Variants in FAAP20 observed in about 807,000 individuals in gnomAD.
FAAP20 encodes FA core complex associated protein 20.
In FAAP20, 12 loss-of-function variants were observed where a neutral mutation model predicts 16.2. The observed-to-expected ratio is 0.74, with a 90% CI of 0.48 to 1.20. FAAP20 has a LOEUF of 1.20. Among genes scored for constraint, FAAP20 ranks in the 50% most tolerant of loss-of-function variants. The probability of loss-of-function intolerance (pLI) is 0.00; values close to 1 mark genes in which losing one functional copy is unlikely to be tolerated. For synonymous variants in FAAP20, 141 were observed against 110.7 expected (o/e 1.27, Z -1.72); for missense variants, 288 against 245.8 (o/e 1.17, Z -1.15).
chr1:2,211,983 A>C (rs1362326590), downstream of FAAP20, among the ~76,000 whole-genome samples: 3 of 143,292 alleles, frequency 2.1e-5, no homozygotes, highest in Non-Finnish European at 4.5e-5. Context: ...GCTCACTGCA[A>C]GCTCCACCTC....
upstream of FAAP20, among the ~76,000 whole-genome samples, chr1:2,204,294 G>A (rs1402776567): frequency 6.6e-6 from 1 of 152,232 alleles, no homozygotes; most frequent in South Asian, 2.1e-4. Context: ...GTGGTCTGCC[G>A]TCCTGGCACA....
downstream of FAAP20, chr1:2,185,499 C>T (rs781257642): frequency 2.0e-5 from 14 of 717,616 alleles, no homozygotes; most frequent in African/African-American, 7.0e-5. Context: ...CAGGTGGGGG[C>T]GGGAGTTGAA....
upstream of FAAP20, chr1:2,194,792 G>T (rs1007193333): frequency 7.3e-5 from 41 of 560,912 alleles, no homozygotes; most frequent in Non-Finnish European, 9.1e-5. Flanking sequence ...CCCCGCCCCC[G>T]CCCCTCCAGG....
At chr1:2,192,271 G>A (rs1048291584) in intron 3 of FAAP20, 25 of 986,068 alleles carry the variant, frequency 2.5e-5, no homozygotes, top group South Asian at 9.4e-5. Flanking sequence ...CCACAGCCTC[G>A]GGTGAGTTCC....
chr1:2,212,118 A>G (rs1689469075), downstream of FAAP20: 1 of 151,396 alleles, frequency 6.6e-6, no homozygotes, highest in Non-Finnish European at 1.5e-5. Flanking sequence ...CGTGTTAGCC[A>G]GGTTGGTCTC....
intron 3 of FAAP20, chr1:2,191,862 G>A (rs1266887192): frequency 4.1e-6 from 4 of 985,328 alleles, no homozygotes; most frequent in South Asian, 4.7e-5. Context: ...ATCCACCCAC[G>A]TGACCCGCAG....
chr1:2,211,417 ATATATATATATATATATATTTTTT>A (rs1189710176), downstream of FAAP20, among the ~76,000 whole-genome samples: 1 of 15,742 alleles, frequency 6.4e-5, no homozygotes, highest in African/African-American at 4.9e-4. Flanking sequence ...ATATATATAT[ATATATATATATATATATATTTTTT>A]TTTTTTTTTT....
intron 3 of FAAP20, chr1:2,191,873 G>C: frequency 2.0e-6 from 2 of 985,470 alleles, no homozygotes; most frequent in Non-Finnish European, 2.4e-6. Flanking sequence ...TGACCCGCAG[G>C]TGTCTGAAAA....
At chr1:2,186,501 C>CCG (rs1557771064), downstream of FAAP20, among the ~76,000 whole-genome samples, 2 of 148,818 alleles carry the variant, frequency 1.3e-5, no homozygotes, top group African/African-American at 5.0e-5. Flanking sequence ...CACCCGCCCC[C>CCG]CCCCGGCCAG....
chr1:2,186,869 G>A (rs78958893), downstream of FAAP20: 533 of 173,528 alleles, frequency 3.1e-3, 1 homozygote, highest in Non-Finnish European at 4.9e-3. Context: ...GTAGCGTGCC[G>A]GTTACCAGTT....
upstream of FAAP20, among the ~76,000 whole-genome samples, chr1:2,197,198 C>T (rs532103865): frequency 1.3e-5 from 2 of 152,222 alleles, no homozygotes; most frequent in African/African-American, 4.8e-5. Flanking sequence ...TGGCTGCTGC[C>T]CCAGAACAGG....
At chr1:2,194,972 G>A (rs567428402), upstream of FAAP20, among the ~76,000 whole-genome samples, 319 of 152,088 alleles carry the variant, frequency 2.1e-3, 1 homozygote, top group African/African-American at 7.3e-3. Context: ...GGGCCCAGGT[G>A]GGGGAGCCCC....
chr1:2,187,719 C>T (rs1687748040), downstream of FAAP20, among the ~76,000 whole-genome samples: 1 of 152,168 alleles, frequency 6.6e-6, no homozygotes, highest in Non-Finnish European at 1.5e-5. Context: ...CCCTGCCCAG[C>T]CTCCCCCACC....
downstream of FAAP20, among the ~76,000 whole-genome samples, chr1:2,210,315 C>A (rs1689401665): frequency 6.6e-6 from 1 of 152,260 alleles, no homozygotes; most frequent in South Asian, 2.1e-4. Context: ...GGGACACCTG[C>A]TGAGGGTCCT....
chr1:2,187,559 C>T (rs1336393816), downstream of FAAP20, among the ~76,000 whole-genome samples: 1 of 152,214 alleles, frequency 6.6e-6, no homozygotes, highest in African/African-American at 2.4e-5. Context: ...CTGCCTCAGC[C>T]TCCCAAAGTT....
At chr1:2,194,799 C>A, upstream of FAAP20, 12 of 1,054,274 alleles carry the variant, frequency 1.1e-5, no homozygotes, top group Non-Finnish European at 1.4e-5. Flanking sequence ...CCCGCCCCTC[C>A]AGGCCCCGCC....
At chr1:2,191,854 C>G (rs1688267456) in intron 3 of FAAP20, 2 of 985,528 alleles carry the variant, frequency 2.0e-6, no homozygotes, top group Non-Finnish European at 2.4e-6. Context: ...AGCTTCCCAT[C>G]CACCCACGTG....
chr1:2,201,098 T>TCC, upstream of FAAP20: 1 of 1,288,770 alleles, frequency 7.8e-7, no homozygotes, highest in Non-Finnish European at 1.0e-6. Context: ...GCTTGGTGCA[T>TCC]CCCCTGTGCA....
chr1:2,189,559 C>G lies in FAAP20; in HGVS notation c.*150G>C. ...AAAAGCGGCAGACGTTTCATCACAA[C>G]ACAGAGACAGACAGGAGCCCGCCCT... On this transcript the variant is annotated 3_prime_UTR_variant, in exon 4 of 4. Coordinates refer to ENST00000378546, the MANE Select transcript of FAAP20 (RefSeq NM_182533.4). 1 of 686,728 alleles carries G rather than the reference C, an allele frequency of 1.5e-6. No homozygotes were observed. Among genetic ancestry groups the G allele is most frequent in the South Asian group, 1.6e-5 (1 of 62,544 alleles). 42.5% of individuals were successfully genotyped at this position (686,728 alleles called of 1,614,324 possible).
Sources: gnomAD v4.1 joint callset for allele counts (sites outside exome capture counted in the v4.1 genomes callset) on GRCh38, gnomAD v4.1.1 for gene constraint, MANE v1.5 for transcripts, NCBI Gene and HGNC (gene_info 2026-07-23, HGNC 2026-07-21) for gene names.